COL9A3: variants seen among roughly 807,000 people sequenced by gnomAD.
The protein encoded by COL9A3 is collagen alpha-3(IX) chain.
Under a neutral mutation model 110.2 loss-of-function variants are expected in COL9A3, and 82 were observed. That is an observed-to-expected ratio of 0.74 (90% CI 0.62 to 0.89). The LOEUF (loss-of-function observed/expected upper bound fraction) is 0.89, where lower values mean the gene tolerates loss of function less well. COL9A3 is among the 40% of genes least tolerant of loss of function. The pLI is 0.00. For missense variants in COL9A3, 1,066 were observed against 981.3 expected, an observed-to-expected ratio of 1.09 and a Z score of -1.15; for synonymous variants, 494 against 403.8, an observed-to-expected ratio of 1.22 and a Z score of -2.68.
Position 62,822,141 on chromosome 20 carries a change from C to T in COL9A3, c.454C>T (p.Pro152Ser), listed in dbSNP as rs749967158. ...GPSGLPGLPGPPGPPGPPGHP... is the reference protein window; with the variant it reads ...GPSGLPGLPGSPGPPGPPGHP... ...TTCTGGACTCCCCGGCCTCCCTGGT[C>T]CCCCAGGACCTCCCGGACCCCCTGT... The change falls in exon 9 of 32, where the codon CCC (proline) becomes TCC (serine). Residue 152 changes from proline (P) to serine (S), a missense_variant. Physicochemically the swap from Pro to Ser is moderately conservative, Grantham distance 74. Coordinates refer to ENST00000649368, the MANE Select transcript of COL9A3 (RefSeq NM_001853.4). 3.2e-6 allele frequency: 5 copies of T among 1,585,336 alleles called. No individual in the cohort carries two copies. Among genetic ancestry groups the T allele is most frequent in the Middle Eastern group, 1.7e-4 (1 of 6,004 alleles).
intron 30 of COL9A3, 118 bp from the exon 31 acceptor site, chr20:62,838,566 T>C (rs2063652477): frequency 1.1e-6 from 1 of 945,386 alleles, no homozygotes; most frequent in Admixed American, 2.0e-5. Flanking sequence ...CTTTTCTAAA[T>C]GTTTCCACTT....
chr20:62,822,733 A>G, intron 10 of COL9A3, 101 bp downstream of exon 10: 1 of 1,319,418 alleles, frequency 7.6e-7, no homozygotes, highest in Non-Finnish European at 1.1e-6. Context: ...GCAAGAAGGC[A>G]GGGCCCGAGC....
Position 62,829,708 on chromosome 20 carries a change from C to T in COL9A3, c.1107+27C>T, listed in dbSNP as rs375191066. ...TGAGTATCTGCGGCGCCCCAGACCC[C>T]TCCCCATCCAGCCTGTGTGCAGACC... On this transcript the variant is annotated intron_variant, in intron 21 of 31. Coordinates refer to ENST00000649368, the MANE Select transcript of COL9A3 (RefSeq NM_001853.4). 22 of 1,602,070 alleles carry T rather than the reference C, an allele frequency of 1.4e-5. No individual in the cohort carries two copies. The African/African-American group carries it at 2.8e-4, about 20-fold the overall frequency.
At chr20:62,817,009 C>A (rs1250811684), upstream of COL9A3, 6 of 1,088,742 alleles carry the variant, frequency 5.5e-6, no homozygotes, top group African/African-American at 1.0e-4. Flanking sequence ...CCACCTCCCG[C>A]CCCGCCCGCC....
Position 62,829,754 on chromosome 20 carries a change from C to T in COL9A3, c.1108-12C>T. ...AGACCCTGCCCTGACACCCTCCTTC[C>T]TTTCCCTGTAGGGAGATGCTGGCAT... On this transcript the variant is annotated splice_polypyrimidine_tract_variant and intron_variant, in intron 21 of 31. Transcript: ENST00000649368. 6.3e-7 allele frequency: 1 copy of T among 1,591,668 alleles called. No homozygotes were observed. Among genetic ancestry groups the T allele is most frequent in the South Asian group, 1.1e-5 (1 of 87,656 alleles).
At chr20:62,824,870 G>A (rs528326370) in intron 11 of COL9A3, 98 bp from the exon 12 acceptor site, 4 of 1,290,898 alleles carry the variant, frequency 3.1e-6, no homozygotes, top group African/African-American at 2.9e-5. Context: ...CGTGTGGCGG[G>A]CCCTGGGCTG....
chr20:62,817,711 C>A, intron 2 of COL9A3, 76 bp downstream of exon 2: 2 of 1,026,434 alleles, frequency 1.9e-6, no homozygotes, highest in Non-Finnish European at 2.8e-6. Context: ...AGCTCCCCGG[C>A]CTGATGGAGA....
chr20:62,821,363 T>C lies in COL9A3; in HGVS notation c.346-144T>C, dbSNP rs1600790537. On this transcript the variant is annotated intron_variant, in intron 6 of 31. Transcript: ENST00000649368. ...TCCGGAGGCTGGTGCCTGGATGGGG[T>C]CCTGGTGCCCTCTCTGGGCTGGGAC... The C allele has an allele frequency of 6.0e-6, 8 of 1,343,836 alleles. No individual in the cohort carries two copies. In the South Asian group the frequency reaches 6.1e-5, roughly 10 times the overall value. The allele number at this position is 1,343,836 out of a possible 1,614,324, so 83.2% of individuals were successfully genotyped here. A position where few individuals can be genotyped will look rare whatever the true frequency, so the allele number is the denominator to read the frequency against.
chr20:62,818,005 C>A lies in COL9A3; in HGVS notation c.147+370C>A, dbSNP rs562462405. ...TGTTGGAGGCTGCTGGGCTCTGGAG[C>A]CAGCCATGGAGGGGGCTTAGGAGCC... On this transcript the variant is annotated intron_variant, in intron 2 of 31. Transcript: ENST00000649368. 114 of 374,790 alleles carry A rather than the reference C, an allele frequency of 3.0e-4. 1 individual carries two copies. The highest frequency in any genetic ancestry group is 1.6e-3 in the Middle Eastern group (2 of 1,250). 23.2% of individuals were successfully genotyped at this position (374,790 alleles called of 1,614,324 possible). A position where few individuals can be genotyped will look rare whatever the true frequency, so the allele number is the denominator to read the frequency against.
At position 62,826,233 on chromosome 20, in the gene COL9A3, G is replaced by A. The variant is rs1165965708; in HGVS notation, c.714G>A (p.Gly238=). The change falls in exon 14 of 32, where the codon GGG becomes GGA. Residue 238 remains glycine, a synonymous_variant. Coordinates refer to ENST00000649368, the MANE Select transcript of COL9A3 (RefSeq NM_001853.4). ...CCCGGGGATTACGAGGACTGCCAGGGCCACTCGGGCCCCCTGGGGACCGGG... is the reference window on the plus strand; with the variant it reads ...CCCGGGGATTACGAGGACTGCCAGGACCACTCGGGCCCCCTGGGGACCGGG... ...QGPRGLRGLP[G]PLGPPGDRGP... 1 of 1,559,232 alleles carries A rather than the reference G, an allele frequency of 6.4e-7. No homozygotes were observed. Among genetic ancestry groups the A allele is most frequent in the Non-Finnish European group, 8.7e-7 (1 of 1,152,450 alleles).
chr20:62,819,898 C>T lies in COL9A3; in HGVS notation c.256-31C>T, dbSNP rs777747571. Reference sequence around the variant, plus strand: ...GGGGTGGCATGTGCTTCCCATGTGGCCCCTCGAGCTCGCCCTCTGCCTCTC... The same window carrying T: ...GGGGTGGCATGTGCTTCCCATGTGGTCCCTCGAGCTCGCCCTCTGCCTCTC... On this transcript the variant is annotated intron_variant, in intron 4 of 31. Coordinates refer to ENST00000649368, the MANE Select transcript of COL9A3 (RefSeq NM_001853.4). 3.7e-6 allele frequency: 6 copies of T among 1,612,258 alleles called. No individual in the cohort carries two copies. In the East Asian group the frequency reaches 1.3e-4, roughly 36 times the overall value.
At chr20:62,836,592 C>T in intron 29 of COL9A3, 60 bp downstream of exon 29, 6 of 1,523,424 alleles carry the variant, frequency 3.9e-6, no homozygotes, top group Non-Finnish European at 4.5e-6. Flanking sequence ...GGTCCCGTGC[C>T]TGGGGCTACA....
rs531144768 is a variant in COL9A3, at chr20:62,829,676, G to A, written c.1102G>A (p.Val368Ile). The A allele has an allele frequency of 1.2e-5, 19 of 1,608,894 alleles. No homozygotes were observed. The highest frequency in any genetic ancestry group is 2.2e-5 in the South Asian group (2 of 90,194). The change falls in exon 21 of 32, where the codon GTC (valine) becomes ATC (isoleucine). Residue 368 changes from valine to isoleucine, a missense_variant. Physicochemically the swap from Val to Ile is conservative, Grantham distance 29 (BLOSUM62 3). Transcript: ENST00000649368. The part of the protein sequence containing the change: ...GEAGPSGEPG[V>I]PGDAGMPGER... ...GGCCGGCCCCTCTGGAGAGCCAGGC[G>A]TCCCTGTGAGTATCTGCGGCGCCCC... is the stretch of plus-strand genomic sequence containing the variant.
At chr20:62,825,261 CAG>C (rs1173598451) in intron 12 of COL9A3, among the ~76,000 whole-genome samples, 1 of 152,152 alleles carries the variant, frequency 6.6e-6, no homozygotes, top group African/African-American at 2.4e-5. Context: ...GTCTTCCAGA[CAG>C]GGCCTGGCTG....
Position 62,817,657 on chromosome 20 carries a change from G to A in COL9A3, c.147+22G>A, listed in dbSNP as rs1990978589. The A allele has an allele frequency of 3.3e-6, 5 of 1,509,686 alleles. No homozygotes were observed. The Admixed American group carries it at 8.6e-5, about 26-fold the overall frequency. 93.5% of individuals were successfully genotyped at this position (1,509,686 alleles called of 1,614,324 possible). On this transcript the variant is annotated intron_variant, in intron 2 of 31. Coordinates refer to ENST00000649368, the MANE Select transcript of COL9A3 (RefSeq NM_001853.4). ...TGACGTGAGTTTGGGGGTGGGGAGG[G>A]CCCCGAGCGCTCTGGGGTTCTGGCT... is the stretch of plus-strand genomic sequence containing the variant.
chr20:62,832,311 T>A, intron 25 of COL9A3, 122 bp downstream of exon 25: 1 of 977,488 alleles, frequency 1.0e-6, no homozygotes, highest in East Asian at 2.5e-5. Context: ...TCCTTTCTCC[T>A]CTTGCCGTGT....
intron 30 of COL9A3, among the ~76,000 whole-genome samples, chr20:62,837,493 T>C (rs949549362): frequency 3.9e-5 from 6 of 152,178 alleles, no homozygotes; most frequent in African/African-American, 1.4e-4. Flanking sequence ...AGAACAATAT[T>C]TGGCAGGGAG....
chr20:62,829,356 C>A, intron 19 of COL9A3, 99 bp from the exon 20 acceptor site: 1 of 1,504,026 alleles, frequency 6.6e-7, no homozygotes, highest in Non-Finnish European at 9.1e-7. Context: ...TGGGTGCACT[C>A]ACTCTGGCCC....
At chr20:62,819,850 T>A in intron 4 of COL9A3, 79 bp from the exon 5 acceptor site, 3 of 1,513,998 alleles carry the variant, frequency 2.0e-6, no homozygotes, top group Non-Finnish European at 2.7e-6. Flanking sequence ...AAGGGAAGGG[T>A]CCGTGCTTCC....
Sources: allele counts gnomAD v4.1 joint callset (sites outside exome capture counted in the v4.1 genomes callset), GRCh38; gene constraint gnomAD v4.1.1; transcripts MANE v1.5; gene names NCBI Gene and HGNC (gene_info 2026-07-23, HGNC 2026-07-21).